The following PKHD1 variants were observed in gnomAD, a reference collection of about 807,000 sequenced individuals.
The protein encoded by PKHD1 is PKHD1 ciliary IPT domain containing fibrocystin/polyductin.
Under a neutral mutation model 412.0 loss-of-function variants are expected in PKHD1, and 291 were observed. That is an observed-to-expected ratio of 0.71 (90% confidence interval 0.64 to 0.78). The LOEUF is 0.78. Among genes scored for constraint, PKHD1 ranks in the 30% least tolerant of loss-of-function variants. PKHD1 has a pLI of 0.00. For missense variants in PKHD1, 4,825 were observed against 4,950.7 expected, an observed-to-expected ratio of 0.97 and a Z score of 0.76; for synonymous variants, 1,777 against 1,821.5, an observed-to-expected ratio of 0.98 and a Z score of 0.62.
chr6:51,897,209 T>C (rs949832982), intron 43 of PKHD1, among the ~76,000 whole-genome samples: 2 of 151,990 alleles, frequency 1.3e-5, no homozygotes, highest in African/African-American at 4.8e-5. Flanking sequence ...GACACATAAT[T>C]GTCAGATTCA....
chr6:51,754,392 C>T (rs915937195), intron 56 of PKHD1, among the ~76,000 whole-genome samples: 39 of 152,060 alleles, frequency 2.6e-4, no homozygotes, highest in African/African-American at 9.2e-4. Flanking sequence ...ACAGTAACTA[C>T]AATATTCTAA....
Position 52,084,879 on chromosome 6 carries a change from G to A in PKHD1, c.52+3C>T. On this transcript the variant is annotated splice_donor_region_variant and intron_variant, in intron 2 of 66. Coordinates refer to ENST00000371117, the MANE Select transcript of PKHD1 (RefSeq NM_138694.4). Reference sequence around the variant, plus strand: ...TAATTCCTTCAAAACACATTCTACTGACCTGCCAAAAGTAGTACTTCAATA... The same window carrying A: ...TAATTCCTTCAAAACACATTCTACTAACCTGCCAAAAGTAGTACTTCAATA... The A allele has an allele frequency of 6.3e-7, 1 of 1,586,636 alleles. No individual in the cohort carries two copies. Among genetic ancestry groups the A allele is most frequent in the South Asian group, 1.1e-5 (1 of 90,506 alleles).
At position 51,948,327 on chromosome 6, in the gene PKHD1, C is replaced by T. The variant is rs973983376; in HGVS notation, c.5908+11543G>A. ...AGTCAAAGCCTATCAAACCTTACAG[C>T]GTTGGTTCTCTCTGGCCCCATCTGC... On this transcript the variant is annotated intron_variant, in intron 36 of 66. Coordinates refer to ENST00000371117, the MANE Select transcript of PKHD1 (RefSeq NM_138694.4). Among the ~76,000 whole-genome samples, 31 of 152,116 alleles carry T rather than the reference C, an allele frequency of 2.0e-4. 1 individual carries two copies. Among genetic ancestry groups the T allele is most frequent in the African/African-American group, 7.2e-4 (30 of 41,420 alleles).
Position 52,044,979 on chromosome 6 carries a change from T to G in PKHD1, c.2702A>C (p.Asn901Thr), listed in dbSNP as rs764696718. The change falls in exon 25 of 67, where the codon AAC becomes ACC. Residue 901 changes from asparagine to threonine, a missense_variant. Transcript: ENST00000371117. ...ATTCACTCTCACCTGAGTATGCTGG[T>G]TGGCAGTAGCCAACATGTCTCCAAA... is the stretch of plus-strand genomic sequence containing the variant. The part of the protein sequence containing the change: ...PIFGDMLATA[N>T]QHTQVVVRVN... 38 of 1,613,478 alleles carry G rather than the reference T, an allele frequency of 2.4e-5. No individual in the cohort carries two copies. The highest frequency in any genetic ancestry group is 1.2e-4 in the Admixed American group (7 of 59,992).
chr6:52,016,635 CAAAAAAA>C (rs10579713), intron 34 of PKHD1, among the ~76,000 whole-genome samples: 14 of 118,894 alleles, frequency 1.2e-4, no homozygotes, highest in Non-Finnish European at 2.2e-4. Context: ...GACTCTGTCT[CAAAAAAA>C]AAAAAAAAAA....
chr6:51,664,222 G>A (rs114626741), intron 60 of PKHD1, among the ~76,000 whole-genome samples: 1,609 of 152,166 alleles, frequency 0.011, 27 homozygotes, highest in African/African-American at 0.037. Flanking sequence ...AGCCATTTCT[G>A]CCTCAAGGAT....
At chr6:51,619,802 T>C (rs1410849114) in intron 66 of PKHD1, among the ~76,000 whole-genome samples, 1 of 152,142 alleles carries the variant, frequency 6.6e-6, no homozygotes, top group African/African-American at 2.4e-5. Flanking sequence ...GGTCAGGCCT[T>C]ACCAACTGGC....
chr6:51,687,824 A>G (rs1292950512), intron 60 of PKHD1, among the ~76,000 whole-genome samples: 1 of 152,254 alleles, frequency 6.6e-6, no homozygotes, highest in Admixed American at 6.5e-5. Context: ...TTTGTGAGTT[A>G]GTAAATCAGT....
intron 60 of PKHD1, among the ~76,000 whole-genome samples, chr6:51,725,135 G>A (rs976167881): frequency 6.6e-6 from 1 of 152,128 alleles, no homozygotes; most frequent in Non-Finnish European, 1.5e-5. Flanking sequence ...ACAGAGGGGG[G>A]TTCCTGTGAT....
intron 51 of PKHD1, 97 bp downstream of exon 51, chr6:51,836,307 T>C (rs1480405441): frequency 2.4e-6 from 2 of 836,712 alleles, no homozygotes; most frequent in African/African-American, 1.7e-5. Context: ...GACTGATACC[T>C]GCCTGTTTAT....
rs148356158 is a variant in PKHD1, at chr6:52,028,348, C to T, written c.3368G>A (p.Gly1123Asp). Residue 1123 changes from glycine to aspartate, a missense_variant, in exon 30 of 67, where the codon GGT (glycine) becomes GAT (aspartate). Physicochemically the swap from Gly to Asp is moderately conservative, Grantham distance 94 (BLOSUM62 -1). Coordinates refer to ENST00000371117, the MANE Select transcript of PKHD1 (RefSeq NM_138694.4). ...CGCCACTCCAATGACCAGGGTCTCA[C>T]CGCCTGTGTTGAGAAGAATCCAATA... ...LSRNISNIAG[G>D]ETLVIGVARL... 6.9e-5 allele frequency: 112 copies of T among 1,613,176 alleles called. No individual in the cohort carries two copies. The highest frequency in any genetic ancestry group is 8.1e-5 in the Non-Finnish European group (96 of 1,179,842).
chr6:51,699,435 C>T (rs1779164310), intron 60 of PKHD1, among the ~76,000 whole-genome samples: 1 of 152,184 alleles, frequency 6.6e-6, no homozygotes, highest in Admixed American at 6.6e-5. Flanking sequence ...TACTTCTCAA[C>T]ACTAGTCCAC....
chr6:51,793,303 T>A (rs556716215), intron 52 of PKHD1, among the ~76,000 whole-genome samples: 1 of 152,240 alleles, frequency 6.6e-6, no homozygotes, highest in African/African-American at 2.4e-5. Flanking sequence ...GAAGCAAAAT[T>A]TGTAAAAACA....
intron 20 of PKHD1, among the ~76,000 whole-genome samples, 183 bp downstream of exon 20, chr6:52,053,855 T>C (rs1431660158): frequency 6.6e-6 from 1 of 152,238 alleles, no homozygotes; most frequent in Non-Finnish European, 1.5e-5. Flanking sequence ...GAGTAGTATA[T>C]TCTTAACAAC....
At chr6:51,624,062 A>AT (rs1244531303) in intron 66 of PKHD1, among the ~76,000 whole-genome samples, 16 of 151,770 alleles carry the variant, frequency 1.1e-4, no homozygotes, top group South Asian at 2.1e-4. Flanking sequence ...TTCTTTTTTA[A>AT]TTTTTTTTAA....
intron 44 of PKHD1, 67 bp downstream of exon 44, chr6:51,887,066 G>T: frequency 2.0e-6 from 2 of 1,003,230 alleles, no homozygotes; most frequent in South Asian, 1.3e-5. Context: ...CTCTCATTGT[G>T]AGCATTCTAC....
intron 37 of PKHD1, among the ~76,000 whole-genome samples, chr6:51,931,839 G>C (rs777776314): frequency 1.3e-5 from 2 of 150,534 alleles, no homozygotes; most frequent in African/African-American, 2.4e-5. Context: ...GAGAGAGGAG[G>C]GAGAAGGAGA....
At chr6:52,076,209 C>G (rs1218772308) in intron 6 of PKHD1, 67 bp downstream of exon 6, 2 of 1,105,408 alleles carry the variant, frequency 1.8e-6, no homozygotes, top group African/African-American at 3.1e-5. Context: ...AACCACTCAC[C>G]TAGGTTTGCA....
At chr6:52,083,045 G>A (rs773123244) in intron 3 of PKHD1, 133 bp downstream of exon 3, 1 of 711,444 alleles carries the variant, frequency 1.4e-6, no homozygotes, top group Non-Finnish European at 2.6e-6. Flanking sequence ...ACAGAAGTTG[G>A]TCAGTCTGTT....
Sources: allele counts gnomAD v4.1 joint callset (sites outside exome capture counted in the v4.1 genomes callset), GRCh38; gene constraint gnomAD v4.1.1; transcripts MANE v1.5; gene names NCBI Gene and HGNC (gene_info 2026-07-23, HGNC 2026-07-21).